CDH23: variants seen among roughly 807,000 people sequenced by gnomAD.
CDH23 encodes cadherin-23.
Under a neutral mutation model 317.1 loss-of-function variants are expected in CDH23, and 189 were observed. The ratio of observed to expected loss-of-function variants is 0.60; its 90% confidence interval spans 0.53 to 0.67. The LOEUF (loss-of-function observed/expected upper bound fraction) is 0.67, where lower values mean the gene tolerates loss of function less well. Ranked by LOEUF, CDH23 falls within the 30% of genes least tolerant of loss-of-function variation. The pLI is 0.00. For synonymous variants in CDH23, 1,839 were observed against 1,876.8 expected, an observed-to-expected ratio of 0.98 and a Z score of 0.52; for missense variants, 4,401 against 4,592.4, an observed-to-expected ratio of 0.96 and a Z score of 1.20.
At chr10:71,422,150 A>T (rs1848848123) in intron 1 of CDH23, among the ~76,000 whole-genome samples, 1 of 152,220 alleles carries the variant, frequency 6.6e-6, no homozygotes, top group African/African-American at 2.4e-5. Context: ...ACATGGGTCT[A>T]GAAGGTGGGA....
intron 3 of CDH23, among the ~76,000 whole-genome samples, chr10:71,471,106 C>T (rs1851483830): frequency 6.6e-6 from 1 of 152,142 alleles, no homozygotes; most frequent in African/African-American, 2.4e-5. Context: ...ATTCTCTTGG[C>T]AGTGTCTTTT....
intron 11 of CDH23, among the ~76,000 whole-genome samples, chr10:71,636,227 A>C (rs1055618600): frequency 1.3e-5 from 2 of 152,124 alleles, no homozygotes; most frequent in African/African-American, 4.8e-5. Flanking sequence ...AGCAGTTGGA[A>C]GAGCACAGTG....
At chr10:71,785,811 C>T (rs1472426112) in intron 44 of CDH23, 73 bp downstream of exon 44, 1 of 907,346 alleles carries the variant, frequency 1.1e-6, no homozygotes, top group East Asian at 2.6e-5. Flanking sequence ...ATCACCCCTC[C>T]TGCAGGCAGC....
In CDH23 at chr10:71,425,410, A is replaced by AGGAG. The variant is rs202209856; in HGVS notation, c.-5-14413_-5-14410dup. On this transcript the variant is annotated intron_variant, in intron 1 of 69. Coordinates refer to ENST00000224721, the MANE Select transcript of CDH23 (RefSeq NM_022124.6). ...AAGGAAGGAAGGAAGGAAGGAAGGA[A>AGGAG]GGAGGGAAGGAAGGGAAGGAAAGAA... Among the ~76,000 whole-genome samples the AGGAG allele has an allele frequency of 7.7e-3, 1,150 of 149,950 alleles. 37 individuals are homozygous for AGGAG. The highest frequency in any genetic ancestry group is 0.063 in the East Asian group (310 of 4,948).
intron 48 of CDH23, chr10:71,795,902 C>A (rs936829447): frequency 1.0e-6 from 1 of 986,512 alleles, no homozygotes; most frequent in East Asian, 1.1e-4. Context: ...CCATTGCCTT[C>A]CTCCATGCCC....
chr10:71,629,477 G>A (rs1446989606), intron 11 of CDH23, among the ~76,000 whole-genome samples: 1 of 152,236 alleles, frequency 6.6e-6, no homozygotes, highest in East Asian at 1.9e-4. Flanking sequence ...GAGGCCCAGG[G>A]CTGTGGTCAG....
intron 9 of CDH23, among the ~76,000 whole-genome samples, chr10:71,580,008 G>C (rs1021284670): frequency 2.0e-5 from 3 of 152,180 alleles, no homozygotes; most frequent in African/African-American, 7.2e-5. Context: ...GGAGCAGAGA[G>C]CCAGGACTTG....
intron 12 of CDH23, among the ~76,000 whole-genome samples, chr10:71,644,705 C>A (rs1410464107): frequency 6.6e-6 from 1 of 152,212 alleles, no homozygotes; most frequent in African/African-American, 2.4e-5. Context: ...CCCTTGCCAG[C>A]CACTGGTTCA....
chr10:71,582,015 G>A (rs79182555), intron 9 of CDH23, among the ~76,000 whole-genome samples: 60 of 152,312 alleles, frequency 3.9e-4, no homozygotes, highest in African/African-American at 1.3e-3. Flanking sequence ...TGTGGTCCTC[G>A]CCCGTGGAAC....
At chr10:71,466,952 G>A (rs944516157) in intron 3 of CDH23, among the ~76,000 whole-genome samples, 3 of 152,146 alleles carry the variant, frequency 2.0e-5, no homozygotes, top group Non-Finnish European at 4.4e-5. Context: ...TCATTATAAG[G>A]CTGGAATCTA....
rs866058185 is a variant in CDH23, at chr10:71,555,292, G to A, written c.430-11450G>A. The stretch of plus-strand genomic sequence containing the variant: ...GCAGATGTCCTGGGCGCTGGGGCCA[G>A]GGTGGGTATCAGGGCTGCACCGTCA... On this transcript the variant is annotated intron_variant, in intron 6 of 69. Transcript: ENST00000224721. 6.1e-4 allele frequency among the ~76,000 whole-genome samples: 93 copies of A among 152,302 alleles called. No individual in the cohort carries two copies. The Middle Eastern group carries it at 0.014, about 22-fold the overall frequency.
chr10:71,416,452 T>G (rs1214463426), intron 1 of CDH23, among the ~76,000 whole-genome samples: 1 of 152,254 alleles, frequency 6.6e-6, no homozygotes, highest in Non-Finnish European at 1.5e-5. Context: ...GTTATAAATT[T>G]TAATTGTATA....
intron 37 of CDH23, 111 bp downstream of exon 37, chr10:71,741,061 C>G: frequency 7.9e-7 from 1 of 1,263,762 alleles, no homozygotes; most frequent in Non-Finnish European, 1.1e-6. Context: ...TCCCTCAGAT[C>G]TCATGGATGG....
At chr10:71,700,516 G>A (rs1865541874) in intron 22 of CDH23, among the ~76,000 whole-genome samples, 1 of 152,244 alleles carries the variant, frequency 6.6e-6, no homozygotes, top group South Asian at 2.1e-4. Context: ...GTACCTAAGA[G>A]CCCTATCTCC....
At chr10:71,403,850 G>A (rs567886426) in intron 1 of CDH23, among the ~76,000 whole-genome samples, 1 of 152,194 alleles carries the variant, frequency 6.6e-6, no homozygotes, top group East Asian at 1.9e-4. Context: ...AGTACTTTGG[G>A]AGGCCGAGGT....
At chr10:71,532,732 T>TTTTTG (rs1855468239) in intron 6 of CDH23, among the ~76,000 whole-genome samples, 3 of 118,892 alleles carry the variant, frequency 2.5e-5, no homozygotes, top group African/African-American at 1.0e-4. Context: ...TTTTTGTTTT[T>TTTTTG]TTTTTTTTTT....
intron 3 of CDH23, among the ~76,000 whole-genome samples, chr10:71,459,986 G>A (rs924968730): frequency 2.0e-5 from 3 of 152,192 alleles, no homozygotes; most frequent in Admixed American, 6.5e-5. Context: ...AATTGTGCTA[G>A]GGATGTTTTG....
intron 14 of CDH23, among the ~76,000 whole-genome samples, chr10:71,654,732 G>A (rs1488546956): frequency 6.6e-6 from 1 of 152,140 alleles, no homozygotes; most frequent in African/African-American, 2.4e-5. Flanking sequence ...GCACCCACAT[G>A]TAGCCTCCCC....
intron 1 of CDH23, among the ~76,000 whole-genome samples, chr10:71,411,099 C>G (rs1477542222): frequency 6.6e-6 from 1 of 152,156 alleles, no homozygotes; most frequent in South Asian, 2.1e-4. Flanking sequence ...TTCTTCAAGA[C>G]TCTTGTTTAA....
Sources: gnomAD v4.1 joint callset for allele counts (sites outside exome capture counted in the v4.1 genomes callset) on GRCh38, gnomAD v4.1.1 for gene constraint, MANE v1.5 for transcripts, NCBI Gene and HGNC (gene_info 2026-07-23, HGNC 2026-07-21) for gene names.